Variants in PCDH11X observed in about 807,000 individuals in gnomAD.
PCDH11X encodes the protein protocadherin-11 X-linked.
Under a neutral mutation model 53.3 loss-of-function variants are expected in PCDH11X, and 18 were observed. That is an observed-to-expected ratio of 0.34 (90% CI 0.23 to 0.50). The LOEUF is 0.50. PCDH11X is among the 20% of genes least tolerant of loss of function. PCDH11X has a pLI of 0.98. For synonymous variants in PCDH11X, 279 were observed against 393.3 expected (o/e 0.71, Z 3.44); for missense variants, 570 against 1,032.4 (o/e 0.55, Z 6.14).
chrX:92,038,810 C>A lies in PCDH11X; in HGVS notation c.3033+159537C>A, dbSNP rs766217377. 6.4e-3 allele frequency among the ~76,000 whole-genome samples: 693 copies of A among 107,997 alleles called. 12 individuals carry two copies. The highest frequency in any genetic ancestry group is 8.0e-3 in the Non-Finnish European group (420 of 52,234). 93.8% of individuals were successfully genotyped at this position (107,997 alleles called of 115,157 possible). ...TGAAAGTGAATGAGTCTCAGGAGAT[C>A]TGATGGTTTTAAAAATGAGAGTTTG... On this transcript the variant is annotated intron_variant, in intron 6 of 10. Coordinates refer to ENST00000682573, the MANE Select transcript of PCDH11X (RefSeq NM_032968.5).
chrX:92,449,845 G>C (rs1294478622), intron 9 of PCDH11X, among the ~76,000 whole-genome samples: 3 of 110,700 alleles, frequency 2.7e-5, no homozygotes, highest in Non-Finnish European at 5.7e-5. Flanking sequence ...AATGAAAATA[G>C]TATTTATGTC....
chrX:92,142,373 C>T (rs2065197332), intron 6 of PCDH11X, among the ~76,000 whole-genome samples: 1 of 31,676 alleles, frequency 3.2e-5, no homozygotes, highest in Non-Finnish European at 7.2e-5. Context: ...CGCGCGCGCA[C>T]ACACACACAC....
At chrX:91,987,385 A>G (rs1441172509) in intron 6 of PCDH11X, among the ~76,000 whole-genome samples, 1 of 112,037 alleles carries the variant, frequency 8.9e-6, no homozygotes, top group Non-Finnish European at 1.9e-5. Flanking sequence ...CTCGACCCAG[A>G]CATATTTCTT....
At chrX:92,219,267 G>A (rs1408926123) in intron 7 of PCDH11X, among the ~76,000 whole-genome samples, 6 of 110,514 alleles carry the variant, frequency 5.4e-5, no homozygotes, top group African/African-American at 9.9e-5. Context: ...GTCCCTGTTT[G>A]CAGATGACAT....
chrX:92,105,825 C>G (rs2064372561), intron 6 of PCDH11X, among the ~76,000 whole-genome samples: 1 of 111,292 alleles, frequency 9.0e-6, no homozygotes. Flanking sequence ...ATATTCACTT[C>G]TTTTGTGATT....
chrX:91,805,562 C>A (rs1936069741), intron 1 of PCDH11X, among the ~76,000 whole-genome samples: 2 of 111,284 alleles, frequency 1.8e-5, no homozygotes, highest in South Asian at 7.6e-4. Flanking sequence ...TACCTGTAAT[C>A]CTCGTACTTT....
intron 9 of PCDH11X, among the ~76,000 whole-genome samples, chrX:92,403,968 G>T (rs2148592298): frequency 9.1e-6 from 1 of 110,242 alleles, no homozygotes; most frequent in South Asian, 4.0e-4. Flanking sequence ...TCTGCAAAAT[G>T]GTGATAGCGG....
chrX:92,592,603 C>A (rs1167613751), intron 10 of PCDH11X, among the ~76,000 whole-genome samples: 2 of 110,156 alleles, frequency 1.8e-5, no homozygotes, highest in Non-Finnish European at 3.8e-5. Context: ...TTGTGGCATG[C>A]ACCTGTAGTC....
At chrX:92,053,243 G>A (rs1326742895) in intron 6 of PCDH11X, among the ~76,000 whole-genome samples, 2 of 110,543 alleles carry the variant, frequency 1.8e-5, no homozygotes. Flanking sequence ...ACGAATACAT[G>A]CTTTACGTGT....
chrX:92,449,073 G>A (rs1019514507), intron 9 of PCDH11X, among the ~76,000 whole-genome samples: 3 of 111,799 alleles, frequency 2.7e-5, no homozygotes, highest in Admixed American at 9.5e-5. Context: ...AGCTTAACAA[G>A]TGTTTGACAC....
intron 6 of PCDH11X, among the ~76,000 whole-genome samples, chrX:92,123,718 C>G (rs767662870): frequency 1.9e-5 from 2 of 106,205 alleles, no homozygotes; most frequent in South Asian, 8.7e-4. Context: ...ACCACACACT[C>G]TTGTATCAGT....
At chrX:92,121,780 C>G (rs1214003587) in intron 6 of PCDH11X, among the ~76,000 whole-genome samples, 6 of 109,503 alleles carry the variant, frequency 5.5e-5, no homozygotes, top group African/African-American at 1.7e-4. Context: ...GGCTGGAGTA[C>G]AGTGGCGCGA....
intron 9 of PCDH11X, among the ~76,000 whole-genome samples, chrX:92,389,245 AG>A (rs1224394593): frequency 9.0e-6 from 1 of 110,740 alleles, no homozygotes; most frequent in Admixed American, 9.7e-5. Flanking sequence ...TACTTTGTTT[AG>A]TACAGCAAAA....
rs780384431 is a variant in PCDH11X at position 92,345,312 on chromosome X, CA to C, written c.3145-42422del. Among the ~76,000 whole-genome samples, 702 of 110,207 alleles carry C rather than the reference CA, an allele frequency of 6.4e-3. 3 individuals carry two copies. The highest frequency in any genetic ancestry group is 0.022 in the African/African-American group (677 of 30,480). Reference sequence around the variant, plus strand: ...AAATAATTCAACTATAGACAGGGTACATAAACATATCATCTAACTCCCACTG... The same window carrying C: ...AAATAATTCAACTATAGACAGGGTACTAAACATATCATCTAACTCCCACTG... On this transcript the variant is annotated intron_variant, in intron 8 of 10. Transcript: ENST00000682573.
intron 6 of PCDH11X, among the ~76,000 whole-genome samples, chrX:91,945,238 A>G (rs1338071078): frequency 1.9e-5 from 2 of 103,183 alleles, no homozygotes; most frequent in African/African-American, 6.9e-5. Flanking sequence ...TTTCAATTTT[A>G]TAATCATTCA....
At chrX:92,021,004 A>G (rs1293585560) in intron 6 of PCDH11X, among the ~76,000 whole-genome samples, 3 of 109,371 alleles carry the variant, frequency 2.7e-5, no homozygotes, top group African/African-American at 1.0e-4. Flanking sequence ...GAAAGCAACA[A>G]CAACAGCATC....
At chrX:92,213,879 G>A (rs1052488802) in intron 7 of PCDH11X, among the ~76,000 whole-genome samples, 8 of 90,006 alleles carry the variant, frequency 8.9e-5, no homozygotes. Context: ...AAAATATGGA[G>A]TTTCAGTTTT....
Position 91,879,076 on chromosome X carries a change from C to G in PCDH11X, c.2836C>G (p.Pro946Ala). ...ARHYKSASPQ[P>A]AFQIQPETPL... ...ACACTACAAATCTGCCTCTCCACAG[C>G]CTGCCTTCCAAATTCAGCCTGAAAC... is the stretch of plus-strand genomic sequence containing the variant. The change falls in exon 6 of 11, where the codon CCT (proline) becomes GCT (alanine). Residue 946 changes from proline (P) to alanine (A), a missense_variant. Pro to Ala is a conservative substitution (Grantham distance 27). This residue lies in a region of PCDH11X where 226 missense variants were observed against 457.5 expected (regional missense o/e 0.49). Coordinates refer to ENST00000682573, the MANE Select transcript of PCDH11X (RefSeq NM_032968.5). The G allele has an allele frequency of 5.0e-6, 6 of 1,211,463 alleles. No individual in the cohort carries two copies. Among genetic ancestry groups the G allele is most frequent in the Non-Finnish European group, 6.7e-6 (6 of 895,439 alleles).
intron 8 of PCDH11X, among the ~76,000 whole-genome samples, chrX:92,274,159 T>C (rs868097550): frequency 1.7e-4 from 18 of 107,212 alleles, no homozygotes; most frequent in African/African-American, 5.5e-4. Context: ...TACAGGAGCT[T>C]AAATTGGCTG....
Sources: allele counts gnomAD v4.1 joint callset (sites outside exome capture counted in the v4.1 genomes callset), GRCh38; gene constraint gnomAD v4.1.1; regional missense constraint gnomAD v4.1.1; transcripts MANE v1.5; gene names NCBI Gene and HGNC (gene_info 2026-07-23, HGNC 2026-07-21).